Variants in SLC2A13 observed in about 807,000 individuals in gnomAD.
SLC2A13 encodes the protein proton myo-inositol cotransporter.
SLC2A13 carries 32 observed loss-of-function variants against 64.4 expected under a neutral mutation model. That is an observed-to-expected ratio of 0.50 (90% CI 0.37 to 0.67). SLC2A13 has a LOEUF of 0.67. SLC2A13 is among the 30% of genes least tolerant of loss of function. The probability of loss-of-function intolerance (pLI) is 0.00; values close to 1 mark genes in which losing one functional copy is unlikely to be tolerated. For missense variants in SLC2A13, 743 were observed against 829.2 expected, an observed-to-expected ratio of 0.90 and a Z score of 1.28; for synonymous variants, 338 against 327.1, an observed-to-expected ratio of 1.03 and a Z score of -0.36.
chr12:40,008,219 G>C (rs923382957), intron 3 of SLC2A13, among the ~76,000 whole-genome samples: 1 of 152,138 alleles, frequency 6.6e-6, no homozygotes, highest in African/African-American at 2.4e-5. Flanking sequence ...AAGTAGAACA[G>C]AGAAGCCAAA....
At chr12:40,076,024 T>C (rs528340386) in intron 1 of SLC2A13, among the ~76,000 whole-genome samples, 2 of 152,348 alleles carry the variant, frequency 1.3e-5, no homozygotes, top group African/African-American at 4.8e-5. Flanking sequence ...AGTTTTTGTG[T>C]GATAAATCCA....
chr12:40,086,390 G>T (rs1244347492), intron 1 of SLC2A13, among the ~76,000 whole-genome samples: 1 of 152,060 alleles, frequency 6.6e-6, no homozygotes, highest in African/African-American at 2.4e-5. Flanking sequence ...CATGATAAAA[G>T]AAAATATGGT....
At chr12:40,017,583 C>T (rs1362450249) in intron 3 of SLC2A13, among the ~76,000 whole-genome samples, 1 of 152,204 alleles carries the variant, frequency 6.6e-6, no homozygotes. Context: ...GCTAAGATTT[C>T]TGTTGGTGCA....
chr12:39,872,432 CA>C (rs1944081537), intron 4 of SLC2A13, among the ~76,000 whole-genome samples: 1 of 151,946 alleles, frequency 6.6e-6, no homozygotes, highest in African/African-American at 2.4e-5. Context: ...AGGAACGCCT[CA>C]AAAAAGACAC....
chr12:39,843,748 G>A (rs1566855700), intron 6 of SLC2A13, among the ~76,000 whole-genome samples: 2 of 152,000 alleles, frequency 1.3e-5, no homozygotes, highest in African/African-American at 2.4e-5. Flanking sequence ...TATTACTTTG[G>A]ATATCTGAGA....
intron 4 of SLC2A13, among the ~76,000 whole-genome samples, chr12:39,884,718 G>A (rs1466197245): frequency 6.6e-6 from 1 of 152,136 alleles, no homozygotes; most frequent in Non-Finnish European, 1.5e-5. Context: ...AAGGTAAAGA[G>A]CTGCTGGAAC....
rs1285097801 is a variant in SLC2A13, at chr12:40,105,764, G to C, written c.45C>G (p.Ser15Arg). The change falls in exon 1 of 10, where the codon AGC (serine) becomes AGG (arginine). Residue 15 changes from serine (S) to arginine (R), a missense_variant. Transcript: ENST00000280871. The surrounding 1 kb of genome is among the most constrained non-coding windows in gnomAD (Gnocchi z 4.2). The part of the protein sequence containing the change: ...ASENVEYTLR[S>R]LSSLMGERRR... ...GCCGCTCGCCCATCAGGCTGCTCAG[G>C]CTCCGCAGCGTGTACTCCACATTCT... The C allele has an allele frequency of 2.6e-5, 39 of 1,490,366 alleles. No homozygotes were observed. The highest frequency in any genetic ancestry group is 3.4e-5 in the Non-Finnish European group (38 of 1,120,682). 92.3% of individuals were successfully genotyped at this position (1,490,366 alleles called of 1,614,324 possible). A position where few individuals can be genotyped will look rare whatever the true frequency, so the allele number is the denominator to read the frequency against.
intron 4 of SLC2A13, among the ~76,000 whole-genome samples, chr12:39,917,961 TA>T (rs1180145645): frequency 3.3e-5 from 5 of 151,694 alleles, no homozygotes; most frequent in South Asian, 2.1e-4. Context: ...TCCAAAGATT[TA>T]AAAAAAAGGT....
intron 4 of SLC2A13, among the ~76,000 whole-genome samples, chr12:39,914,403 C>A (rs1206573798): frequency 6.6e-6 from 1 of 151,834 alleles, no homozygotes; most frequent in Non-Finnish European, 1.5e-5. Context: ...AGACTTTGGA[C>A]AATAAGGACA....
chr12:40,105,186 C>G lies in SLC2A13; in HGVS notation c.556+67G>C. On this transcript the variant is annotated intron_variant, in intron 1 of 9. Transcript: ENST00000280871. This position sits in a 1 kb window ranked among gnomAD's most constrained non-coding sequence, Gnocchi z 4.2. Reference sequence around the variant, plus strand: ...CGGGGACCCCGATGGGCAAGAGGCACGCAACACCCAGGGTCAAGGGCGGTG... The same window carrying G: ...CGGGGACCCCGATGGGCAAGAGGCAGGCAACACCCAGGGTCAAGGGCGGTG... 2 of 1,444,904 alleles carry G rather than the reference C, an allele frequency of 1.4e-6. No individual in the cohort carries two copies. The highest frequency in any genetic ancestry group is 1.8e-6 in the Non-Finnish European group (2 of 1,103,722). The allele number at this position is 1,444,904 out of a possible 1,614,324, so 89.5% of individuals were successfully genotyped here.
intron 7 of SLC2A13, among the ~76,000 whole-genome samples, chr12:39,777,172 C>G (rs1205095420): frequency 1.3e-5 from 2 of 152,186 alleles, no homozygotes; most frequent in Non-Finnish European, 2.9e-5. Flanking sequence ...TTTCTTCCCG[C>G]TTCCTTTTAT....
chr12:39,810,696 T>C (rs1201327384), intron 7 of SLC2A13, among the ~76,000 whole-genome samples: 2 of 152,172 alleles, frequency 1.3e-5, no homozygotes, highest in Non-Finnish European at 2.9e-5. Flanking sequence ...GATTAGGAAT[T>C]TAATCAATTT....
chr12:39,851,702 A>G (rs1943475045), intron 6 of SLC2A13, among the ~76,000 whole-genome samples: 1 of 152,224 alleles, frequency 6.6e-6, no homozygotes, highest in Non-Finnish European at 1.5e-5. Context: ...AGCGGAATGA[A>G]GGATGGATTT....
intron 4 of SLC2A13, among the ~76,000 whole-genome samples, chr12:39,896,446 A>C (rs918974632): frequency 2.3e-5 from 3 of 131,910 alleles, no homozygotes; most frequent in Non-Finnish European, 4.7e-5. Context: ...ACATATATGT[A>C]TATGTGTGTA....
intron 3 of SLC2A13, among the ~76,000 whole-genome samples, chr12:39,971,983 G>GAGAAAAA (rs1946653840): frequency 1.0e-5 from 1 of 95,808 alleles, no homozygotes; most frequent in Non-Finnish European, 2.0e-5. Flanking sequence ...AGTGTCTCCA[G>GAGAAAAA]AAAAAAAAAA....
At chr12:39,944,709 C>A (rs1946106828) in intron 4 of SLC2A13, among the ~76,000 whole-genome samples, 1 of 152,120 alleles carries the variant, frequency 6.6e-6, no homozygotes. Flanking sequence ...CATTTTCTAC[C>A]CCTTTAAGTT....
intron 7 of SLC2A13, among the ~76,000 whole-genome samples, chr12:39,797,321 A>G (rs1255929413): frequency 6.6e-6 from 1 of 152,220 alleles, no homozygotes; most frequent in Non-Finnish European, 1.5e-5. Flanking sequence ...TTCAGCATAC[A>G]CTGAACTTAT....
rs116873424 is a variant in SLC2A13 at position 40,080,151 on chromosome 12, C to T, written c.556+25102G>A. 1.2e-3 allele frequency among the ~76,000 whole-genome samples: 184 copies of T among 152,018 alleles called. 3 individuals are homozygous for T. The East Asian group carries it at 0.032, about 27-fold the overall frequency. On this transcript the variant is annotated intron_variant, in intron 1 of 9. Transcript: ENST00000280871. ...TGCTGGGATTACCGGTGTGAGCCACCGCACCTGGGTTCTTTGTCCTTTTTG... is the reference window on the plus strand; with the variant it reads ...TGCTGGGATTACCGGTGTGAGCCACTGCACCTGGGTTCTTTGTCCTTTTTG...
intron 4 of SLC2A13, among the ~76,000 whole-genome samples, chr12:39,943,745 A>G (rs945035470): frequency 7.9e-5 from 12 of 152,188 alleles, no homozygotes; most frequent in African/African-American, 2.9e-4. Context: ...CAGGGAAGCC[A>G]TGAGGGACTG....
Sources: gnomAD v4.1 joint callset for allele counts (sites outside exome capture counted in the v4.1 genomes callset) on GRCh38, gnomAD v4.1.1 for gene constraint, Gnocchi (gnomAD v3.1) non-coding constraint, MANE v1.5 for transcripts, NCBI Gene and HGNC (gene_info 2026-07-23, HGNC 2026-07-21) for gene names.